CACNA2D1: variants seen among roughly 807,000 people sequenced by gnomAD.
CACNA2D1 encodes calcium voltage-gated channel auxiliary subunit alpha2delta 1, also known as voltage-dependent calcium channel subunit alpha-2/delta-1.
A neutral mutation model predicts 171.5 loss-of-function variants in CACNA2D1; 53 were observed. The observed-to-expected ratio is 0.31, with a 90% CI of 0.25 to 0.39. The LOEUF (loss-of-function observed/expected upper bound fraction) is 0.39, where lower values mean the gene tolerates loss of function less well. Among genes scored for constraint, CACNA2D1 ranks in the 10% least tolerant of loss-of-function variants. The probability of loss-of-function intolerance (pLI) is 1.00; values close to 1 mark genes in which losing one functional copy is unlikely to be tolerated. For missense variants in CACNA2D1, 903 were observed against 1,299.8 expected (o/e 0.69, Z 4.69); for synonymous variants, 442 against 443.1 (o/e 1.00, Z 0.03).
chr7:81,998,310 C>T (rs565775446), intron 18 of CACNA2D1, among the ~76,000 whole-genome samples: 246 of 151,898 alleles, frequency 1.6e-3, no homozygotes, highest in African/African-American at 5.6e-3. Flanking sequence ...CAGTAACAAA[C>T]GCAAACTATG....
intron 38 of CACNA2D1, among the ~76,000 whole-genome samples, chr7:81,952,655 G>C (rs867366949): frequency 6.6e-6 from 1 of 151,910 alleles, no homozygotes; most frequent in African/African-American, 2.4e-5. Context: ...TCCTTGGCTT[G>C]ACCTCCTTTC....
Position 82,005,804 on chromosome 7 carries a change from C to T in CACNA2D1, c.1476G>A (p.Val492=), listed in dbSNP as rs1197976924. The change falls in exon 17 of 39, where the codon GTG becomes GTA. Residue 492 remains valine, a synonymous_variant. Coordinates refer to ENST00000356860, the MANE Select transcript of CACNA2D1 (RefSeq NM_000722.4). The stretch of plus-strand genomic sequence containing the variant: ...TCAGTCTTTTAATATCTTCCAAAGA[C>T]ACATCTACTCCCATCACACCAAGAA... The part of the protein sequence containing the change: ...QLILGVMGVD[V]SLEDIKRLTP... 3 of 1,609,320 alleles carry T rather than the reference C, an allele frequency of 1.9e-6. No individual in the cohort carries two copies. The highest frequency in any genetic ancestry group is 1.3e-5 in the African/African-American group (1 of 74,906).
At chr7:82,150,257 T>TTAAAAAA (rs1353886528) in intron 4 of CACNA2D1, among the ~76,000 whole-genome samples, 1 of 92,848 alleles carries the variant, frequency 1.1e-5, no homozygotes, top group African/African-American at 3.7e-5. Context: ...TAGATCAAAT[T>TTAAAAAA]AAAAAAAAAA....
intron 3 of CACNA2D1, among the ~76,000 whole-genome samples, chr7:82,219,719 A>G (rs1304002238): frequency 1.3e-5 from 2 of 152,182 alleles, no homozygotes; most frequent in Admixed American, 1.3e-4. Context: ...ACATGCTTAA[A>G]CAAAAATTAC....
chr7:82,397,294 T>TA (rs567552366), intron 1 of CACNA2D1, among the ~76,000 whole-genome samples: 106 of 152,300 alleles, frequency 7.0e-4, no homozygotes, highest in African/African-American at 2.4e-3. Flanking sequence ...GTACTTAAAA[T>TA]AAAAAAATTG....
chr7:82,238,887 T>C (rs1803919699), intron 3 of CACNA2D1, among the ~76,000 whole-genome samples: 1 of 152,172 alleles, frequency 6.6e-6, no homozygotes, highest in Middle Eastern at 3.4e-3. Context: ...AACGGGGCAA[T>C]TGGATTCCTT....
intron 3 of CACNA2D1, among the ~76,000 whole-genome samples, chr7:82,273,223 C>T (rs1379240884): frequency 6.6e-6 from 1 of 151,872 alleles, no homozygotes; most frequent in Non-Finnish European, 1.5e-5. Flanking sequence ...CTGGCAAGCT[C>T]TATTCATAGT....
intron 10 of CACNA2D1, 72 bp from the exon 11 acceptor site, chr7:82,038,307 T>C: frequency 7.4e-7 from 1 of 1,342,336 alleles, no homozygotes; most frequent in Non-Finnish European, 1.0e-6. Flanking sequence ...AGAATTTGTG[T>C]TTGATACTCC....
intron 3 of CACNA2D1, among the ~76,000 whole-genome samples, chr7:82,326,409 C>A (rs1816653743): frequency 1.3e-5 from 2 of 152,156 alleles, no homozygotes; most frequent in South Asian, 2.1e-4. Flanking sequence ...GGTTTGAATT[C>A]TTTGCCAGCT....
At chr7:82,336,770 C>T (rs1353094915) in intron 2 of CACNA2D1, among the ~76,000 whole-genome samples, 1 of 152,138 alleles carries the variant, frequency 6.6e-6, no homozygotes, top group Non-Finnish European at 1.5e-5. Context: ...AACAGATAAA[C>T]CACAACATCA....
intron 10 of CACNA2D1, among the ~76,000 whole-genome samples, chr7:82,041,034 T>C (rs1464789197): frequency 1.1e-5 from 1 of 88,456 alleles, no homozygotes; most frequent in Non-Finnish European, 2.2e-5. Flanking sequence ...ATCCACATTA[T>C]GTAGGCAGCC....
intron 18 of CACNA2D1, among the ~76,000 whole-genome samples, chr7:81,997,791 T>C (rs1036582893): frequency 2.1e-4 from 32 of 152,108 alleles, no homozygotes; most frequent in African/African-American, 7.7e-4. Flanking sequence ...TTGCTTCATA[T>C]ATTTCAATCT....
chr7:82,060,556 G>A (rs1019228257), intron 9 of CACNA2D1, 29 bp from the exon 10 acceptor site: 1 of 1,270,198 alleles, frequency 7.9e-7, no homozygotes, highest in African/African-American at 1.5e-5. Context: ...GTCCATACAT[G>A]TTACTCATCA....
rs72498624 is a variant in CACNA2D1, at chr7:82,107,586, C to CTTTTTT, written c.526+9452_526+9457dup. On this transcript the variant is annotated intron_variant, in intron 6 of 38. Transcript: ENST00000356860. ...ATTTCACTATTACAATGAAAATAAA[C>CTTTTTT]TTTTTTTTTTTTTTTTTGAGACAGT... Among the ~76,000 whole-genome samples, 829 of 135,588 alleles carry CTTTTTT rather than the reference C, an allele frequency of 6.1e-3. 11 individuals are homozygous for CTTTTTT. The highest frequency in any genetic ancestry group is 8.5e-3 in the Admixed American group (113 of 13,302). 89.0% of individuals were successfully genotyped at this position (135,588 alleles called of 152,430 possible). A position where few individuals can be genotyped will look rare whatever the true frequency, so the allele number is the denominator to read the frequency against.
intron 3 of CACNA2D1, among the ~76,000 whole-genome samples, chr7:82,332,544 AAG>A (rs201592701): frequency 7.5e-6 from 1 of 133,666 alleles, no homozygotes; most frequent in African/African-American, 2.6e-5. Context: ...GAAAGAAAGA[AAG>A]AAAGAAAGAA....
intron 3 of CACNA2D1, among the ~76,000 whole-genome samples, chr7:82,222,499 G>A (rs978565081): frequency 1.3e-5 from 2 of 152,144 alleles, no homozygotes; most frequent in African/African-American, 4.8e-5. Flanking sequence ...AAGACCAAGA[G>A]TATTGGGAGC....
At chr7:82,170,649 C>T (rs376550304) in intron 3 of CACNA2D1, 40 bp from the exon 4 acceptor site, 193 of 1,561,422 alleles carry the variant, frequency 1.2e-4, no homozygotes, top group Non-Finnish European at 1.6e-4. Context: ...CAAATGAACA[C>T]GTAATATGGA....
At chr7:82,048,875 C>T (rs1804860101) in intron 10 of CACNA2D1, among the ~76,000 whole-genome samples, 1 of 151,916 alleles carries the variant, frequency 6.6e-6, no homozygotes, top group South Asian at 2.1e-4. Flanking sequence ...GTCCTTCAAG[C>T]CCCATCAAAT....
chr7:82,043,814 C>A (rs1450116105), intron 10 of CACNA2D1, among the ~76,000 whole-genome samples: 1 of 152,090 alleles, frequency 6.6e-6, no homozygotes, highest in Admixed American at 6.6e-5. Context: ...CGCTACAAGT[C>A]AAAGAAGCAG....
Sources: allele counts gnomAD v4.1 joint callset (sites outside exome capture counted in the v4.1 genomes callset), GRCh38; gene constraint gnomAD v4.1.1; transcripts MANE v1.5; gene names NCBI Gene and HGNC (gene_info 2026-07-23, HGNC 2026-07-21).